WDPCP: variants seen among roughly 807,000 people sequenced by gnomAD.
The protein encoded by WDPCP is WD repeat-containing and planar cell polarity effector protein fritz homolog.
Under a neutral mutation model 93.1 loss-of-function variants are expected in WDPCP, and 71 were observed. The ratio of observed to expected loss-of-function variants is 0.76; its 90% CI spans 0.63 to 0.93. WDPCP has a LOEUF of 0.93. WDPCP is among the 40% of genes least tolerant of loss of function. The pLI is 0.00. For missense variants in WDPCP, 844 were observed against 887.4 expected (o/e 0.95, Z 0.62); for synonymous variants, 315 against 315.0 (o/e 1.00, Z 0.00).
At chr2:63,643,345 G>C (rs1023281207) in intron 3 of WDPCP, 5 of 387,922 alleles carry the variant, frequency 1.3e-5, no homozygotes, top group Non-Finnish European at 2.5e-5. Flanking sequence ...TCCTCAGGGA[G>C]GAGAAGTTCA....
intron 6 of WDPCP, chr2:63,441,751 C>T (rs1697520536): frequency 6.6e-6 from 1 of 152,062 alleles, no homozygotes; most frequent in Non-Finnish European, 1.5e-5. Context: ...ATCAGGAGCT[C>T]ACTGCTTCAC....
chr2:63,129,919 A>C (rs960642604), intron 17 of WDPCP, among the ~76,000 whole-genome samples: 1 of 152,212 alleles, frequency 6.6e-6, no homozygotes, highest in African/African-American at 2.4e-5. Context: ...TATTTAGGGA[A>C]TAATTTACAA....
chr2:63,183,191 T>C (rs1307515859), intron 14 of WDPCP, among the ~76,000 whole-genome samples: 2 of 151,890 alleles, frequency 1.3e-5, no homozygotes, highest in African/African-American at 4.8e-5. Flanking sequence ...TTCTTTGTTC[T>C]TTTTTTTCTA....
At chr2:63,292,006 G>A (rs943692950) in intron 13 of WDPCP, among the ~76,000 whole-genome samples, 26 of 150,968 alleles carry the variant, frequency 1.7e-4, no homozygotes, top group Admixed American at 6.6e-4. Flanking sequence ...GGTGGCGGGC[G>A]CCTGTAGTCC....
chr2:63,315,816 A>G (rs6704562), intron 12 of WDPCP, among the ~76,000 whole-genome samples: 121,680 of 151,912 alleles, frequency 0.8, 49,605 homozygotes, highest in East Asian at 0.96. Context: ...GGAGTACAGC[A>G]GCGTGATTAT....
chr2:63,750,539 G>A (rs577386612), intron 2 of WDPCP, among the ~76,000 whole-genome samples: 2 of 152,124 alleles, frequency 1.3e-5, no homozygotes, highest in South Asian at 4.2e-4. Context: ...CATTAACACT[G>A]TTGAGTACAA....
At chr2:63,629,030 A>G (rs1473604617) in intron 3 of WDPCP, among the ~76,000 whole-genome samples, 7 of 152,206 alleles carry the variant, frequency 4.6e-5, no homozygotes, top group Non-Finnish European at 1.0e-4. Context: ...TCTTTCATCT[A>G]TTATTTCCTC....
chr2:63,742,016 C>T (rs1291899128), intron 2 of WDPCP, among the ~76,000 whole-genome samples: 2 of 152,078 alleles, frequency 1.3e-5, no homozygotes, highest in African/African-American at 4.8e-5. Flanking sequence ...AATTTTTTCT[C>T]ACATGTCAGG....
chr2:63,404,897 A>C (rs1694448201), intron 9 of WDPCP, among the ~76,000 whole-genome samples: 1 of 152,206 alleles, frequency 6.6e-6, no homozygotes, highest in South Asian at 2.1e-4. Flanking sequence ...TACATATAGC[A>C]CAGCTGCAAG....
intron 14 of WDPCP, among the ~76,000 whole-genome samples, chr2:63,184,700 T>C (rs1168624948): frequency 6.6e-6 from 1 of 152,188 alleles, no homozygotes; most frequent in Admixed American, 6.5e-5. Context: ...TGTGGTGAAA[T>C]CCACCTGGCA....
rs796175553 is a variant in WDPCP at position 63,693,033 on chromosome 2, T to TA, written n.309-42196dup. 2.0e-5 allele frequency among the ~76,000 whole-genome samples: 3 copies of TA among 152,286 alleles called. 1 individual carries two copies. Among genetic ancestry groups the TA allele is most frequent in the African/African-American group, 7.2e-5 (3 of 41,560 alleles). ...ACCATTATTATCCCCATTCTACAGA[T>TA]AAAAAACTGAGGCATGGAGATTAAA... On this transcript the variant is annotated intron_variant and non_coding_transcript_variant, in intron 2 of 4. Coordinates refer to the WDPCP transcript ENST00000467687.
chr2:63,124,519 A>G (rs559308582), intron 17 of WDPCP, among the ~76,000 whole-genome samples: 1 of 152,314 alleles, frequency 6.6e-6, no homozygotes, highest in East Asian at 1.9e-4. Flanking sequence ...TTTTGTAAGT[A>G]AATTCAGCAG....
At chr2:63,673,191 G>A (rs1710366729) in intron 2 of WDPCP, among the ~76,000 whole-genome samples, 1 of 152,162 alleles carries the variant, frequency 6.6e-6, no homozygotes, top group African/African-American at 2.4e-5. Context: ...GTGTGTGGGT[G>A]GGGGTAAAGT....
chr2:63,172,657 C>T (rs530530477), intron 15 of WDPCP, among the ~76,000 whole-genome samples: 2 of 152,236 alleles, frequency 1.3e-5, no homozygotes, highest in South Asian at 4.2e-4. Flanking sequence ...CAATCATGTT[C>T]TTAGCATGAC....
At chr2:63,513,063 T>G (rs1035268180) in intron 1 of WDPCP, among the ~76,000 whole-genome samples, 3 of 152,116 alleles carry the variant, frequency 2.0e-5, no homozygotes, top group African/African-American at 7.2e-5. Context: ...TTCAGAGGGA[T>G]AGCTTCAAGG....
chr2:63,345,639 G>C (rs1311507171), intron 12 of WDPCP, among the ~76,000 whole-genome samples: 1 of 152,122 alleles, frequency 6.6e-6, no homozygotes, highest in Non-Finnish European at 1.5e-5. Context: ...CAGAACTCTA[G>C]AGATGTTAAG....
chr2:63,135,392 C>T lies in WDPCP; in HGVS notation c.2191-13336G>A, dbSNP rs189075480. ...TATTGTCCAGGCTGGAGTGCAGTGG[C>T]GCGATCTTGGCTCACTGCCACCTCG... is the stretch of plus-strand genomic sequence containing the variant. On this transcript the variant is annotated intron_variant, in intron 17 of 17. Transcript: ENST00000272321. Among the ~76,000 whole-genome samples the T allele has an allele frequency of 2.8e-3, 427 of 151,300 alleles. 4 individuals carry two copies. In the South Asian group the frequency reaches 0.035, roughly 13 times the overall value.
chr2:63,473,096 G>C (rs567885154), intron 6 of WDPCP, among the ~76,000 whole-genome samples: 1 of 152,268 alleles, frequency 6.6e-6, no homozygotes, highest in African/African-American at 2.4e-5. Context: ...TTAGAAAGTT[G>C]GTTTACATGG....
At chr2:63,627,341 A>T (rs1222859959) in intron 3 of WDPCP, among the ~76,000 whole-genome samples, 1 of 152,220 alleles carries the variant, frequency 6.6e-6, no homozygotes, top group Non-Finnish European at 1.5e-5. Context: ...AGACATAGAG[A>T]AACTTCTTTT....
Sources: gnomAD v4.1 joint callset for allele counts (sites outside exome capture counted in the v4.1 genomes callset) on GRCh38, gnomAD v4.1.1 for gene constraint, MANE v1.5 for transcripts, NCBI Gene and HGNC (gene_info 2026-07-23, HGNC 2026-07-21) for gene names.